The following YWHAE variants were observed in gnomAD, a reference collection of about 807,000 sequenced individuals.
YWHAE encodes tyrosine 3-monooxygenase/tryptophan 5-monooxygenase activation protein epsilon, also known as 14-3-3 protein epsilon.
YWHAE carries 4 observed loss-of-function variants against 30.1 expected under a neutral mutation model. The observed-to-expected ratio is 0.13, with a 90% CI of 0.07 to 0.30. YWHAE has a LOEUF of 0.30. Among genes scored for constraint, YWHAE ranks in the 10% least tolerant of loss-of-function variants. The probability of loss-of-function intolerance (pLI) is 1.00; values close to 1 mark genes in which losing one functional copy is unlikely to be tolerated. For synonymous variants in YWHAE, 118 were observed against 111.8 expected (o/e 1.06, Z -0.35); for missense variants, 121 against 315.9 (o/e 0.38, Z 4.68).
intron 1 of YWHAE, among the ~76,000 whole-genome samples, chr17:1,371,077 A>T (rs907123215): frequency 2.6e-5 from 4 of 151,706 alleles, no homozygotes; most frequent in Admixed American, 1.3e-4. Context: ...ACTGTGTGTG[A>T]GTGTGTGGTA....
rs529704016 is a variant in YWHAE, at chr17:1,360,058, G to A, written c.578+1034C>T. 4.6e-5 allele frequency among the ~76,000 whole-genome samples: 7 copies of A among 152,132 alleles called. No individual in the cohort carries two copies. In the East Asian group the frequency reaches 1.4e-3, roughly 29 times the overall value. ...GCTCACCGCAACCTCTGCCTCCTGG[G>A]TTCAAACAATTCTCCTGTCTCAGCC... On this transcript the variant is annotated intron_variant, in intron 4 of 5. Coordinates refer to ENST00000264335, the MANE Select transcript of YWHAE (RefSeq NM_006761.5).
At chr17:1,368,937 A>C (rs1340359468) in intron 1 of YWHAE, among the ~76,000 whole-genome samples, 1 of 152,222 alleles carries the variant, frequency 6.6e-6, no homozygotes, top group Non-Finnish European at 1.5e-5. Flanking sequence ...CATATCTCGA[A>C]TATCATTCCT....
intron 1 of YWHAE, among the ~76,000 whole-genome samples, chr17:1,374,072 C>T (rs1310442948): frequency 6.6e-6 from 1 of 152,132 alleles, no homozygotes; most frequent in Non-Finnish European, 1.5e-5. Context: ...AATCCCAGCA[C>T]TCTGGGAGGC....
At chr17:1,354,519 A>G (rs2072694797) in intron 4 of YWHAE, among the ~76,000 whole-genome samples, 172 bp from the exon 5 acceptor site, 1 of 152,202 alleles carries the variant, frequency 6.6e-6, no homozygotes, top group Admixed American at 6.5e-5. Flanking sequence ...GTGGAACACT[A>G]CTTCTTACTA....
intron 1 of YWHAE, among the ~76,000 whole-genome samples, chr17:1,371,519 T>C (rs4790338): frequency 0.42 from 63,675 of 152,034 alleles, 13,582 homozygotes; most frequent in Admixed American, 0.56. Flanking sequence ...GGCTTTGCTG[T>C]TCCATTTATA....
chr17:1,389,719 A>G (rs1259061269), intron 1 of YWHAE, among the ~76,000 whole-genome samples: 1 of 150,704 alleles, frequency 6.6e-6, no homozygotes, highest in Admixed American at 6.6e-5. Flanking sequence ...TTTAGTAGAG[A>G]CAGGGTTTCA....
intron 5 of YWHAE, among the ~76,000 whole-genome samples, chr17:1,350,542 A>G (rs2072611943): frequency 6.6e-6 from 1 of 151,890 alleles, no homozygotes; most frequent in Non-Finnish European, 1.5e-5. Flanking sequence ...CCCGGGTTCA[A>G]GTGATTCTCC....
intron 4 of YWHAE, among the ~76,000 whole-genome samples, chr17:1,356,171 A>AACACACACACAC (rs71148473): frequency 0.014 from 1,942 of 143,016 alleles, 20 homozygotes; most frequent in Non-Finnish European, 0.021. Flanking sequence ...TCCGTCTAAA[A>AACACACACACAC]ACACACACAC....
chr17:1,374,109 C>CG (rs2073088755), intron 1 of YWHAE, among the ~76,000 whole-genome samples: 1 of 152,054 alleles, frequency 6.6e-6, no homozygotes, highest in South Asian at 2.1e-4. Flanking sequence ...GTCAGGAGTT[C>CG]AGACCAGCCT....
chr17:1,365,180 T>C (rs2072923382), intron 1 of YWHAE, 122 bp from the exon 2 acceptor site: 2 of 1,131,550 alleles, frequency 1.8e-6, no homozygotes, highest in African/African-American at 1.6e-5. Flanking sequence ...AATAATTTCA[T>C]AATCATCAAA....
At chr17:1,361,726 C>T in intron 3 of YWHAE, 176 bp downstream of exon 3, 1 of 523,528 alleles carries the variant, frequency 1.9e-6, no homozygotes, top group African/African-American at 2.0e-5. Flanking sequence ...TATAAATAAG[C>T]AAAAGCTAAT....
At chr17:1,360,965 G>A in intron 4 of YWHAE, 127 bp downstream of exon 4, 1 of 820,926 alleles carries the variant, frequency 1.2e-6, no homozygotes, top group Non-Finnish European at 1.9e-6. Context: ...AGTAGTTTCA[G>A]TAAGAGCCAA....
chr17:1,346,568 A>C (rs1427526582), intron 5 of YWHAE, among the ~76,000 whole-genome samples: 2 of 152,198 alleles, frequency 1.3e-5, no homozygotes, highest in Non-Finnish European at 2.9e-5. Context: ...AAAATGACAA[A>C]TGTCACAGCA....
At chr17:1,350,109 C>T (rs544159532) in intron 5 of YWHAE, among the ~76,000 whole-genome samples, 14 of 151,936 alleles carry the variant, frequency 9.2e-5, no homozygotes, top group South Asian at 6.2e-4. Flanking sequence ...TGTGACACGA[C>T]GCCTGGCTAA....
chr17:1,368,770 A>G (rs2150857198), intron 1 of YWHAE, among the ~76,000 whole-genome samples: 1 of 152,340 alleles, frequency 6.6e-6, no homozygotes, highest in Admixed American at 6.5e-5. Flanking sequence ...AACATAACTC[A>G]GAGGTAAGCC....
intron 1 of YWHAE, among the ~76,000 whole-genome samples, chr17:1,391,482 G>A (rs532900229): frequency 1.2e-4 from 19 of 152,160 alleles, no homozygotes; most frequent in Admixed American, 3.9e-4. Context: ...TGTTGTAGCT[G>A]ATGAATTAGT....
chr17:1,370,301 G>C (rs894892060), intron 1 of YWHAE, among the ~76,000 whole-genome samples: 4 of 150,606 alleles, frequency 2.7e-5, no homozygotes, highest in African/African-American at 9.8e-5. Flanking sequence ...GAATTTTTTT[G>C]TGTGTATTTT....
intron 1 of YWHAE, among the ~76,000 whole-genome samples, chr17:1,375,782 G>C (rs549979822): frequency 6.6e-6 from 1 of 152,334 alleles, no homozygotes; most frequent in Non-Finnish European, 1.5e-5. Context: ...GCTGCTGCCA[G>C]TAGAGTCACA....
intron 1 of YWHAE, among the ~76,000 whole-genome samples, chr17:1,376,870 G>A (rs1359916066): frequency 2.0e-5 from 3 of 151,784 alleles, no homozygotes; most frequent in Non-Finnish European, 4.4e-5. Context: ...AGCAGGTTCT[G>A]TACTGGCTGA....
Sources: allele counts gnomAD v4.1 joint callset (sites outside exome capture counted in the v4.1 genomes callset), GRCh38; gene constraint gnomAD v4.1.1; transcripts MANE v1.5; gene names NCBI Gene and HGNC (gene_info 2026-07-23, HGNC 2026-07-21).